The following GABBR2 variants were observed in gnomAD, a reference collection of about 807,000 sequenced individuals.
GABBR2 encodes gamma-aminobutyric acid type B receptor subunit 2.
Under a neutral mutation model 105.6 loss-of-function variants are expected in GABBR2, and 23 were observed. The ratio of observed to expected loss-of-function variants is 0.22; its 90% CI spans 0.16 to 0.31. The LOEUF (loss-of-function observed/expected upper bound fraction) is 0.31, where lower values mean the gene tolerates loss of function less well. GABBR2 is among the 10% of genes least tolerant of loss of function. The pLI, the probability that GABBR2 is intolerant of heterozygous loss-of-function variation, is 1.00. For missense variants in GABBR2, 734 were observed against 1,245.5 expected, an observed-to-expected ratio of 0.59 and a Z score of 6.18; for synonymous variants, 478 against 499.7, an observed-to-expected ratio of 0.96 and a Z score of 0.58.
At chr9:98,478,596 C>A (rs1330738551) in intron 5 of GABBR2, among the ~76,000 whole-genome samples, 1 of 152,094 alleles carries the variant, frequency 6.6e-6, no homozygotes, top group African/African-American at 2.4e-5. Flanking sequence ...GGATGATGTC[C>A]CCGTACCATG....
intron 1 of GABBR2, among the ~76,000 whole-genome samples, chr9:98,639,863 C>A (rs1829936064): frequency 6.6e-6 from 1 of 152,080 alleles, no homozygotes; most frequent in African/African-American, 2.4e-5. Context: ...CCCTGCCCGG[C>A]CTGGGAGAAA....
At chr9:98,635,413 G>A (rs1051645032) in intron 1 of GABBR2, among the ~76,000 whole-genome samples, 3 of 152,154 alleles carry the variant, frequency 2.0e-5, no homozygotes, top group African/African-American at 7.2e-5. Context: ...TTGAGGGTGG[G>A]GGACACTCAG....
intron 3 of GABBR2, among the ~76,000 whole-genome samples, chr9:98,510,258 C>T (rs1157917853): frequency 1.5e-4 from 23 of 152,316 alleles, no homozygotes; most frequent in Admixed American, 1.4e-3. Flanking sequence ...CCTAAAAGAG[C>T]TCCTGAAGGA....
intron 17 of GABBR2, among the ~76,000 whole-genome samples, chr9:98,296,760 TTTTG>T (rs1231048832): frequency 6.6e-6 from 1 of 152,202 alleles, no homozygotes; most frequent in African/African-American, 2.4e-5. Flanking sequence ...TATACATACT[TTTTG>T]TATTGTTACA....
At chr9:98,381,134 T>C (rs997901121) in intron 11 of GABBR2, among the ~76,000 whole-genome samples, 2 of 152,212 alleles carry the variant, frequency 1.3e-5, no homozygotes, top group African/African-American at 4.8e-5. Flanking sequence ...CATCCCTCCA[T>C]GCAGCACTCT....
intron 1 of GABBR2, among the ~76,000 whole-genome samples, chr9:98,594,248 C>T (rs1425908967): frequency 2.0e-5 from 3 of 152,196 alleles, no homozygotes; most frequent in African/African-American, 7.2e-5. Flanking sequence ...ATGCACCTTC[C>T]CAGTGTCTAG....
intron 4 of GABBR2, among the ~76,000 whole-genome samples, chr9:98,487,735 AC>A (rs1827088608): frequency 6.6e-6 from 1 of 151,796 alleles, no homozygotes; most frequent in South Asian, 2.1e-4. Context: ...CTGTGATTAC[AC>A]CACTACACTC....
At chr9:98,330,843 C>T (rs561947261) in intron 13 of GABBR2, among the ~76,000 whole-genome samples, 45 of 152,264 alleles carry the variant, frequency 3.0e-4, no homozygotes, top group South Asian at 2.1e-4. Flanking sequence ...GCAATTAGCA[C>T]GGCTATCTCA....
intron 1 of GABBR2, among the ~76,000 whole-genome samples, chr9:98,620,368 C>T (rs1829652227): frequency 6.6e-6 from 1 of 151,708 alleles, no homozygotes; most frequent in South Asian, 2.1e-4. Flanking sequence ...GGACCGTCTC[C>T]TACATACATT....
At chr9:98,692,354 C>T (rs572124346) in intron 1 of GABBR2, among the ~76,000 whole-genome samples, 4 of 152,298 alleles carry the variant, frequency 2.6e-5, no homozygotes, top group African/African-American at 7.2e-5. Flanking sequence ...TATTAGTCCA[C>T]CCAACATCCA....
intron 1 of GABBR2, among the ~76,000 whole-genome samples, chr9:98,697,569 G>A (rs1296019401): frequency 6.6e-6 from 1 of 152,070 alleles, no homozygotes; most frequent in Non-Finnish European, 1.5e-5. Flanking sequence ...CACTGACATA[G>A]GTGCCGACAT....
intron 6 of GABBR2, among the ~76,000 whole-genome samples, chr9:98,460,966 T>G (rs1452188811): frequency 1.3e-5 from 2 of 152,142 alleles, no homozygotes; most frequent in Admixed American, 1.3e-4. Flanking sequence ...ATAGAAACAA[T>G]GGAAGCCAGA....
intron 13 of GABBR2, among the ~76,000 whole-genome samples, chr9:98,356,640 T>C (rs954043794): frequency 2.0e-5 from 3 of 152,228 alleles, no homozygotes; most frequent in Non-Finnish European, 2.9e-5. Flanking sequence ...TACCATATAA[T>C]CATAACTTGC....
intron 7 of GABBR2, among the ~76,000 whole-genome samples, chr9:98,411,608 C>A (rs1832592255): frequency 1.3e-5 from 2 of 151,858 alleles, no homozygotes; most frequent in African/African-American, 4.8e-5. Context: ...GCTGCCCAGG[C>A]TAGAGAGTAG....
chr9:98,349,344 GTTTTGTTTTTTTTTTTTTTT>G (rs1369896739), intron 13 of GABBR2, among the ~76,000 whole-genome samples: 1 of 105,484 alleles, frequency 9.5e-6, no homozygotes, highest in Admixed American at 1.0e-4. Flanking sequence ...TTTTGTTGAA[GTTTTGTTTTTTTTTTTTTTT>G]TTTTTTTTTT....
chr9:98,379,594 C>T (rs1831937144), intron 11 of GABBR2, among the ~76,000 whole-genome samples: 1 of 152,370 alleles, frequency 6.6e-6, no homozygotes, highest in South Asian at 2.1e-4. Context: ...CCCAAGTTTA[C>T]TCTGCTTTAT....
At chr9:98,349,279 A>C (rs1831351034) in intron 13 of GABBR2, among the ~76,000 whole-genome samples, 1 of 147,718 alleles carries the variant, frequency 6.8e-6, no homozygotes, top group Non-Finnish European at 1.5e-5. Context: ...GATAAATCCC[A>C]CTTGGTCGTG....
chr9:98,657,418 C>T (rs72760668), intron 1 of GABBR2, among the ~76,000 whole-genome samples: 15,965 of 152,216 alleles, frequency 0.1, 936 homozygotes, highest in African/African-American at 0.14. Flanking sequence ...CACAGTGTGC[C>T]GTGGTCCATT....
At chr9:98,664,099 G>T (rs555154634) in intron 1 of GABBR2, among the ~76,000 whole-genome samples, 1 of 152,150 alleles carries the variant, frequency 6.6e-6, no homozygotes, top group Non-Finnish European at 1.5e-5. Context: ...TCTGGGCGTC[G>T]GCAGGATCCC....
Sources: gnomAD v4.1 joint callset for allele counts (sites outside exome capture counted in the v4.1 genomes callset) on GRCh38, gnomAD v4.1.1 for gene constraint, MANE v1.5 for transcripts, NCBI Gene and HGNC (gene_info 2026-07-23, HGNC 2026-07-21) for gene names.